The following KCNH7 variants were observed in gnomAD, a reference collection of about 807,000 sequenced individuals.
The protein encoded by KCNH7 is voltage-gated inwardly rectifying potassium channel KCNH7.
Under a neutral mutation model 120.8 loss-of-function variants are expected in KCNH7, and 49 were observed. The observed-to-expected ratio is 0.41, with a 90% CI of 0.32 to 0.51. KCNH7 has a LOEUF of 0.51. KCNH7 is among the 20% of genes least tolerant of loss of function. KCNH7 has a pLI of 0.38. For synonymous variants in KCNH7, 547 were observed against 516.1 expected (o/e 1.06, Z -0.81); for missense variants, 1,097 against 1,446.6 (o/e 0.76, Z 3.92).
chr2:162,372,920 C>G (rs1686011899), intron 15 of KCNH7, among the ~76,000 whole-genome samples: 1 of 152,004 alleles, frequency 6.6e-6, no homozygotes, highest in African/African-American at 2.4e-5. Flanking sequence ...GTTTATCATC[C>G]AAGTAAAAAA....
At chr2:162,686,570 T>C (rs1391844092) in intron 2 of KCNH7, among the ~76,000 whole-genome samples, 1 of 152,156 alleles carries the variant, frequency 6.6e-6, no homozygotes, top group Non-Finnish European at 1.5e-5. Flanking sequence ...CTACAAAATA[T>C]GCAAATTAGT....
At chr2:162,547,179 T>C (rs1442908182) in intron 2 of KCNH7, among the ~76,000 whole-genome samples, 1 of 152,122 alleles carries the variant, frequency 6.6e-6, no homozygotes, top group African/African-American at 2.4e-5. Context: ...TTGTGAGAAT[T>C]CACTTAGTCT....
At chr2:162,643,826 A>AAAG (rs1553507408) in intron 2 of KCNH7, among the ~76,000 whole-genome samples, 4,893 of 122,386 alleles carry the variant, frequency 0.04, 105 homozygotes, top group Non-Finnish European at 0.062. Flanking sequence ...AAAAAAAAAA[A>AAAG]AAGAAGAAAA....
chr2:162,505,346 A>G (rs1326543630), intron 5 of KCNH7, among the ~76,000 whole-genome samples: 1 of 151,434 alleles, frequency 6.6e-6, no homozygotes, highest in East Asian at 1.9e-4. Flanking sequence ...AGTCTTGACC[A>G]CTTTCTGAGA....
At chr2:162,512,603 G>C (rs368343558) in intron 5 of KCNH7, 51 bp downstream of exon 5, 1 of 1,559,520 alleles carries the variant, frequency 6.4e-7, no homozygotes, top group Non-Finnish European at 8.8e-7. Flanking sequence ...AACATGCCGA[G>C]TAAAGGGGCA....
chr2:162,444,252 C>T (rs747311941), intron 7 of KCNH7, among the ~76,000 whole-genome samples: 1 of 152,160 alleles, frequency 6.6e-6, no homozygotes, highest in Non-Finnish European at 1.5e-5. Flanking sequence ...CAAACTTTGT[C>T]TGATTTACTT....
chr2:162,581,916 TG>T (rs1313521232), intron 2 of KCNH7, among the ~76,000 whole-genome samples: 1 of 152,086 alleles, frequency 6.6e-6, no homozygotes, highest in Non-Finnish European at 1.5e-5. Context: ...GAGATACTCA[TG>T]TTAAAAGGAT....
rs190081549 is a variant in KCNH7, at chr2:162,830,095, A to G, written c.307+6442T>C. 3.9e-5 allele frequency among the ~76,000 whole-genome samples: 6 copies of G among 152,278 alleles called. No individual in the cohort carries two copies. In the East Asian group the frequency reaches 1.2e-3, roughly 29 times the overall value. ...GCCTAGAACCAAGTGCTATGAGGAG[A>G]CAGAAGTGCAGATAGTGGGAACATC... On this transcript the variant is annotated intron_variant, in intron 2 of 15. Transcript: ENST00000332142.
intron 2 of KCNH7, among the ~76,000 whole-genome samples, chr2:162,604,976 C>T (rs1250898572): frequency 2.6e-5 from 4 of 152,060 alleles, no homozygotes; most frequent in Non-Finnish European, 4.4e-5. Flanking sequence ...TTGTATTCAA[C>T]ATTAATAGTA....
chr2:162,660,387 T>C (rs1684917098), intron 2 of KCNH7, among the ~76,000 whole-genome samples: 1 of 152,276 alleles, frequency 6.6e-6, no homozygotes, highest in South Asian at 2.1e-4. Flanking sequence ...GACCCATGTG[T>C]TATTTAATCC....
intron 2 of KCNH7, among the ~76,000 whole-genome samples, chr2:162,593,561 T>C (rs1694282198): frequency 6.6e-6 from 1 of 152,036 alleles, no homozygotes; most frequent in Admixed American, 6.6e-5. Context: ...TATTGTTCTT[T>C]GGTTATTGAA....
intron 2 of KCNH7, among the ~76,000 whole-genome samples, chr2:162,827,671 C>T (rs924459559): frequency 5.9e-5 from 9 of 152,116 alleles, no homozygotes; most frequent in Admixed American, 1.3e-4. Context: ...CTAGGAAATA[C>T]AGAATAGAGT....
intron 13 of KCNH7, among the ~76,000 whole-genome samples, chr2:162,383,730 G>A (rs1686492891): frequency 6.6e-6 from 1 of 151,696 alleles, no homozygotes; most frequent in Admixed American, 6.6e-5. Context: ...TACATCCAGG[G>A]ATATATTAAA....
At chr2:162,819,635 GAC>G (rs1334148870) in intron 2 of KCNH7, among the ~76,000 whole-genome samples, 3 of 152,158 alleles carry the variant, frequency 2.0e-5, no homozygotes, top group Admixed American at 2.0e-4. Context: ...CCACTTGAAA[GAC>G]AGATTTTCTT....
In KCNH7 at chr2:162,616,004, T is replaced by A. The variant is rs1683128512; in HGVS notation, c.308-78924A>T. Among the ~76,000 whole-genome samples the A allele has an allele frequency of 2.0e-5, 3 of 152,240 alleles. No individual in the cohort carries two copies. In the South Asian group the frequency reaches 6.2e-4, roughly 32 times the overall value. ...TAGGAAAATTGCTGAGATGAGTTTCTACACTATGGTTTTGTAAACTGCCTT... is the reference window on the plus strand; with the variant it reads ...TAGGAAAATTGCTGAGATGAGTTTCAACACTATGGTTTTGTAAACTGCCTT... On this transcript the variant is annotated intron_variant, in intron 2 of 15. Transcript: ENST00000332142.
At chr2:162,571,468 G>A (rs1356583729) in intron 2 of KCNH7, among the ~76,000 whole-genome samples, 1 of 144,170 alleles carries the variant, frequency 6.9e-6, no homozygotes, top group Non-Finnish European at 1.5e-5. Flanking sequence ...TGGCCATACT[G>A]CCCAAGGTAA....
rs188329905 is a variant in KCNH7 at position 162,662,572 on chromosome 2, G to T, written c.308-125492C>A. On this transcript the variant is annotated intron_variant, in intron 2 of 15. Coordinates refer to ENST00000332142, the MANE Select transcript of KCNH7 (RefSeq NM_033272.4). ...TGTTCATTAGAAATTAGCAAATCTA[G>T]TCTGTCTGCTATTTCAGAGTCTTTG... is the stretch of plus-strand genomic sequence containing the variant. Among the ~76,000 whole-genome samples the T allele has an allele frequency of 7.2e-5, 11 of 152,290 alleles. No homozygotes were observed. The East Asian group carries it at 2.1e-3, about 29-fold the overall frequency.
intron 2 of KCNH7, among the ~76,000 whole-genome samples, chr2:162,566,223 A>C (rs1424340423): frequency 6.6e-6 from 1 of 151,968 alleles, no homozygotes; most frequent in South Asian, 2.1e-4. Context: ...TTCCATCATC[A>C]TTCATGGAGT....
intron 6 of KCNH7, among the ~76,000 whole-genome samples, chr2:162,463,857 A>T (rs1039065749): frequency 1.3e-5 from 2 of 151,780 alleles, no homozygotes; most frequent in Admixed American, 1.3e-4. Context: ...TACCAAATAA[A>T]CCTGCACAGA....
Sources: allele counts gnomAD v4.1 joint callset (sites outside exome capture counted in the v4.1 genomes callset), GRCh38; gene constraint gnomAD v4.1.1; transcripts MANE v1.5; gene names NCBI Gene and HGNC (gene_info 2026-07-23, HGNC 2026-07-21).